Variants in CSMD1 observed in about 807,000 individuals in gnomAD.
CSMD1 encodes CUB and Sushi multiple domains 1.
A neutral mutation model predicts 417.5 loss-of-function variants in CSMD1; 213 were observed. The observed-to-expected ratio is 0.51, with a 90% CI of 0.46 to 0.57. CSMD1 has a LOEUF of 0.57. Among genes scored for constraint, CSMD1 ranks in the 20% least tolerant of loss-of-function variants. The pLI is 0.00. For missense variants in CSMD1, 6,923 were observed against 4,529.7 expected (o/e 1.53, Z -15.17); for synonymous variants, 2,862 against 1,736.8 (o/e 1.65, Z -16.11).
intron 5 of CSMD1, among the ~76,000 whole-genome samples, chr8:3,955,976 G>A (rs754969474): frequency 1.9e-4 from 29 of 152,258 alleles, no homozygotes; most frequent in African/African-American, 6.0e-4. Flanking sequence ...TGTATTTTTA[G>A]TAGAGTCAGG....
At chr8:4,843,949 G>C (rs1563567060) in intron 1 of CSMD1, among the ~76,000 whole-genome samples, 2 of 152,290 alleles carry the variant, frequency 1.3e-5, no homozygotes, top group South Asian at 2.1e-4. Context: ...AGAGAAAGCT[G>C]TAACGGAAAG....
chr8:3,421,358 T>C (rs1021237959), intron 12 of CSMD1, among the ~76,000 whole-genome samples: 1 of 152,182 alleles, frequency 6.6e-6, no homozygotes, highest in Non-Finnish European at 1.5e-5. Context: ...GAGCCACACA[T>C]TGAATGGGCA....
At position 3,825,875 on chromosome 8, in the gene CSMD1, G is replaced by T. The variant is rs17067695; in HGVS notation, c.819-71833C>A. Among the ~76,000 whole-genome samples, 7 of 152,302 alleles carry T rather than the reference G, an allele frequency of 4.6e-5. No homozygotes were observed. In the East Asian group the frequency reaches 1.4e-3, roughly 29 times the overall value. ...AGAGACGCATTGTACACTAGGGCAA[G>T]ATCAGAAACCAAGGTATCATGACAA... On this transcript the variant is annotated intron_variant, in intron 5 of 69. Transcript: ENST00000635120.
chr8:3,305,500 C>CTATAGTGG lies in CSMD1; in HGVS notation c.3950+2187_3950+2194dup, dbSNP rs533612070. On this transcript the variant is annotated intron_variant, in intron 25 of 69. Coordinates refer to ENST00000635120, the MANE Select transcript of CSMD1 (RefSeq NM_033225.6). ...TGCTGTTATCATGGGAGTGGGTTAG[C>CTATAGTGG]TATAGTGGGAGGGAGCCCCTGATAA... 2.6e-4 allele frequency among the ~76,000 whole-genome samples: 40 copies of CTATAGTGG among 152,164 alleles called. No homozygotes were observed. In the South Asian group the frequency reaches 8.1e-3, roughly 31 times the overall value.
At chr8:4,880,986 G>C (rs756079487) in intron 1 of CSMD1, among the ~76,000 whole-genome samples, 3 of 152,030 alleles carry the variant, frequency 2.0e-5, no homozygotes, top group Non-Finnish European at 4.4e-5. Context: ...TCTGAAACCA[G>C]TAATGAGGCC....
At chr8:3,778,359 G>A (rs908732372) in intron 5 of CSMD1, among the ~76,000 whole-genome samples, 14 of 152,286 alleles carry the variant, frequency 9.2e-5, no homozygotes, top group East Asian at 1.9e-4. Context: ...CCAGCTGTCT[G>A]GAATCATTTC....
chr8:3,686,154 G>C (rs1387271811), intron 7 of CSMD1, among the ~76,000 whole-genome samples: 2 of 152,078 alleles, frequency 1.3e-5, no homozygotes, highest in Non-Finnish European at 2.9e-5. Context: ...TATTAGGTAG[G>C]TTTCAAAATT....
intron 5 of CSMD1, among the ~76,000 whole-genome samples, chr8:3,779,149 T>TTGTGTGTGTG (rs56294437): frequency 3.4e-5 from 5 of 147,434 alleles, no homozygotes; most frequent in South Asian, 2.2e-4. Context: ...GCGTGCATAC[T>TTGTGTGTGTG]TGTGTGTGTG....
chr8:3,519,252 C>T (rs893430897), intron 10 of CSMD1, among the ~76,000 whole-genome samples: 2 of 152,124 alleles, frequency 1.3e-5, no homozygotes, highest in Non-Finnish European at 2.9e-5. Flanking sequence ...AACATTTTGT[C>T]CTGTTCATAT....
At chr8:3,227,566 C>A (rs1304349310) in intron 27 of CSMD1, among the ~76,000 whole-genome samples, 1 of 151,984 alleles carries the variant, frequency 6.6e-6, no homozygotes, top group Non-Finnish European at 1.5e-5. Context: ...TAATAAGGGA[C>A]TAGAAAGATC....
At chr8:3,381,964 A>C (rs900417043) in intron 18 of CSMD1, among the ~76,000 whole-genome samples, 1 of 152,140 alleles carries the variant, frequency 6.6e-6, no homozygotes, top group Non-Finnish European at 1.5e-5. Context: ...TTCCTTTAAA[A>C]AGAATGTATC....
intron 7 of CSMD1, among the ~76,000 whole-genome samples, chr8:3,618,043 C>T (rs1383046505): frequency 1.3e-5 from 2 of 152,026 alleles, no homozygotes; most frequent in Non-Finnish European, 2.9e-5. Flanking sequence ...ACTCTGTTGC[C>T]CAGGTGGGAG....
intron 5 of CSMD1, among the ~76,000 whole-genome samples, chr8:3,837,136 G>C (rs1364809749): frequency 7.2e-6 from 1 of 139,702 alleles, no homozygotes; most frequent in South Asian, 2.3e-4. Flanking sequence ...AAAATTGAAA[G>C]TGTAGTCACT....
chr8:3,458,528 T>C (rs1816298344), intron 12 of CSMD1, among the ~76,000 whole-genome samples: 1 of 152,234 alleles, frequency 6.6e-6, no homozygotes, highest in Admixed American at 6.5e-5. Flanking sequence ...TCAATATCTT[T>C]CTAATATATA....
intron 12 of CSMD1, among the ~76,000 whole-genome samples, chr8:3,431,865 C>T (rs1426199371): frequency 6.6e-6 from 1 of 152,196 alleles, no homozygotes; most frequent in African/African-American, 2.4e-5. Context: ...ACCACGCCCA[C>T]AGTGAGATAA....
intron 3 of CSMD1, among the ~76,000 whole-genome samples, chr8:4,150,894 A>AAATTACAAC (rs368821460): frequency 1.3e-5 from 2 of 152,156 alleles, no homozygotes; most frequent in Non-Finnish European, 2.9e-5. Flanking sequence ...AACGCCTGAG[A>AAATTACAAC]AAGAGCAATG....
At chr8:4,385,836 A>C (rs1158051088) in intron 3 of CSMD1, among the ~76,000 whole-genome samples, 1 of 152,184 alleles carries the variant, frequency 6.6e-6, no homozygotes, top group Non-Finnish European at 1.5e-5. Flanking sequence ...TGTTTCTGGG[A>C]AACTGTTAAA....
chr8:4,008,176 A>G (rs1020498340), intron 4 of CSMD1, among the ~76,000 whole-genome samples: 1 of 152,212 alleles, frequency 6.6e-6, no homozygotes, highest in Non-Finnish European at 1.5e-5. Flanking sequence ...AAGGACAAAT[A>G]TGAGCAAGCT....
intron 3 of CSMD1, among the ~76,000 whole-genome samples, chr8:4,074,590 C>G (rs965149254): frequency 1.2e-4 from 18 of 152,090 alleles, no homozygotes; most frequent in Non-Finnish European, 1.5e-5. Flanking sequence ...TATTCTACCA[C>G]AAATCATTTC....
Sources: allele counts gnomAD v4.1 joint callset (sites outside exome capture counted in the v4.1 genomes callset), GRCh38; gene constraint gnomAD v4.1.1; transcripts MANE v1.5; gene names NCBI Gene and HGNC (gene_info 2026-07-23, HGNC 2026-07-21).